Variants in CHID1 observed in about 807,000 individuals in gnomAD.
CHID1 encodes chitinase domain containing 1, also known as chitinase domain-containing protein 1.
In CHID1, 44 loss-of-function variants were observed where a neutral mutation model predicts 55.4. The observed-to-expected ratio is 0.79, with a 90% CI of 0.62 to 1.02. The LOEUF (loss-of-function observed/expected upper bound fraction) is 1.02, where lower values mean the gene tolerates loss of function less well. CHID1 is among the 50% of genes least tolerant of loss of function. CHID1 has a pLI of 0.00. For missense variants in CHID1, 491 were observed against 515.3 expected, an observed-to-expected ratio of 0.95 and a Z score of 0.46; for synonymous variants, 216 against 212.9, an observed-to-expected ratio of 1.01 and a Z score of -0.13.
chr11:870,807 G>A (rs1189659966), intron 10 of CHID1: 8 of 323,374 alleles, frequency 2.5e-5, no homozygotes, highest in Non-Finnish European at 4.1e-5. Flanking sequence ...GTGACCCTCA[G>A]GCCGCGCAGC....
chr11:904,797 A>G lies in CHID1; in HGVS notation c.20T>C (p.Leu7Pro), dbSNP rs1481369979. ...GCTGCAGGCCAGGGCAAGCCAGAGG[A>G]GGTTGAAGAGTGTCCGCATGGTAGG... MRTLFN[L>P]LWLALACSPV... is the part of the protein sequence containing the mutation. The change falls in exon 2 of 13, where the codon CTC (leucine) becomes CCC (proline). Residue 7 changes from leucine to proline, a missense_variant. By Grantham distance (98) the Leu-to-Pro change is moderately conservative. Transcript: ENST00000323578. The G allele has an allele frequency of 6.2e-7, 1 of 1,613,864 alleles. No individual in the cohort carries two copies. The highest frequency in any genetic ancestry group is 8.5e-7 in the Non-Finnish European group (1 of 1,180,016).
chr11:910,618 C>T, intron 1 of CHID1, 157 bp downstream of exon 1: 1 of 1,256,552 alleles, frequency 8.0e-7, no homozygotes, highest in South Asian at 1.3e-5. Context: ...CGCCCCCTCA[C>T]ACACTTGCTC....
intron 2 of CHID1, among the ~76,000 whole-genome samples, chr11:904,018 TG>T (rs1458181312): frequency 6.6e-6 from 1 of 152,288 alleles, no homozygotes; most frequent in East Asian, 1.9e-4. Flanking sequence ...ATGTCACACC[TG>T]CCCCTACTCC....
At chr11:872,869 T>C (rs1403553754) in intron 10 of CHID1, among the ~76,000 whole-genome samples, 2 of 152,128 alleles carry the variant, frequency 1.3e-5, no homozygotes, top group African/African-American at 4.8e-5. Flanking sequence ...GGGGCCTCTG[T>C]GGTCACTGCT....
chr11:910,660 A>T (rs1589919361), intron 1 of CHID1, 115 bp downstream of exon 1: 1 of 1,265,386 alleles, frequency 7.9e-7, no homozygotes, highest in African/African-American at 1.6e-5. Context: ...GTCGCCCGCG[A>T]CCCCACGCCC....
intron 8 of CHID1, among the ~76,000 whole-genome samples, chr11:892,317 G>A (rs1850902270): frequency 6.6e-6 from 1 of 152,338 alleles, no homozygotes; most frequent in Non-Finnish European, 1.5e-5. Context: ...ACATAAGGGA[G>A]AGGGAGGGGC....
chr11:888,086 T>C lies in CHID1; in HGVS notation c.702-3917A>G, dbSNP rs564837471. Among the ~76,000 whole-genome samples, 16 of 152,384 alleles carry C rather than the reference T, an allele frequency of 1.0e-4. No individual in the cohort carries two copies. The East Asian group carries it at 3.1e-3, about 29-fold the overall frequency. ...CAGTGCAGCATGCTGACATGTGACA[T>C]GCCTGTGGCACAGCTTGCATTTTCC... On this transcript the variant is annotated intron_variant, in intron 8 of 12. Coordinates refer to ENST00000323578, the MANE Select transcript of CHID1 (RefSeq NM_023947.4).
chr11:909,703 TG>T (rs1276590766), intron 1 of CHID1, among the ~76,000 whole-genome samples: 1 of 152,224 alleles, frequency 6.6e-6, no homozygotes, highest in African/African-American at 2.4e-5. Context: ...CCTGTTCTGT[TG>T]TGTTTTGAAG....
At chr11:905,757 A>C (rs1463798487) in intron 1 of CHID1, among the ~76,000 whole-genome samples, 1 of 152,140 alleles carries the variant, frequency 6.6e-6, no homozygotes, top group African/African-American at 2.4e-5. Context: ...ACTAGGAGAA[A>C]ATATAGCTAC....
At chr11:896,658 G>A (rs1851324758) in intron 7 of CHID1, among the ~76,000 whole-genome samples, 1 of 128,534 alleles carries the variant, frequency 7.8e-6, no homozygotes, top group African/African-American at 3.2e-5. Flanking sequence ...ACACGAAACT[G>A]TCTCAGGGCC....
intron 1 of CHID1, among the ~76,000 whole-genome samples, chr11:909,176 C>T (rs1852452137): frequency 6.6e-6 from 1 of 152,200 alleles, no homozygotes; most frequent in South Asian, 2.1e-4. Context: ...CTCTCCCGCT[C>T]CCCACTGCTC....
intron 10 of CHID1, among the ~76,000 whole-genome samples, chr11:878,285 G>A (rs1030718303): frequency 1.3e-5 from 2 of 152,122 alleles, no homozygotes; most frequent in South Asian, 2.1e-4. Flanking sequence ...GTGGTGGCAC[G>A]TGCCTGTAGT....
rs1852616077 is a variant in CHID1 at position 910,768 on chromosome 11, G to A, written c.-44+7C>T. ...GAGGAGCAGGGGCCGGCCGCCGCGG[G>A]GCTCACCTGCATGTCAGGGAGGCCG... is the stretch of plus-strand genomic sequence containing the variant. On this transcript the variant is annotated splice_region_variant and intron_variant, in intron 1 of 12. Coordinates refer to ENST00000323578, the MANE Select transcript of CHID1 (RefSeq NM_023947.4). The A allele has an allele frequency of 2.6e-6, 3 of 1,159,678 alleles. No individual in the cohort carries two copies. Among genetic ancestry groups the A allele is most frequent in the Middle Eastern group, 2.9e-4 (1 of 3,442 alleles). The allele number at this position is 1,159,678 out of a possible 1,614,324, so 71.8% of individuals were successfully genotyped here.
chr11:899,271 T>C, intron 7 of CHID1, 69 bp downstream of exon 7: 1 of 1,488,368 alleles, frequency 6.7e-7, no homozygotes, highest in Non-Finnish European at 9.2e-7. Context: ...ACCCCTGGTC[T>C]TTCCTCCAGC....
chr11:909,844 C>T (rs1852517245), intron 1 of CHID1, among the ~76,000 whole-genome samples: 1 of 152,040 alleles, frequency 6.6e-6, no homozygotes, highest in Non-Finnish European at 1.5e-5. Context: ...GGCAGATCAC[C>T]CCATCAGGAG....
At chr11:890,576 TC>T (rs1234706992) in intron 8 of CHID1, among the ~76,000 whole-genome samples, 1 of 151,978 alleles carries the variant, frequency 6.6e-6, no homozygotes, top group Non-Finnish European at 1.5e-5. Flanking sequence ...CCCAAGGGGG[TC>T]CCAGTAGCTA....
intron 10 of CHID1, among the ~76,000 whole-genome samples, chr11:872,307 G>A (rs1849232370): frequency 1.3e-5 from 2 of 152,128 alleles, no homozygotes; most frequent in Non-Finnish European, 1.5e-5. Flanking sequence ...ACAGCCACCC[G>A]CCACCACGCC....
chr11:876,370 G>A (rs1283050064), intron 10 of CHID1, among the ~76,000 whole-genome samples: 3 of 152,224 alleles, frequency 2.0e-5, no homozygotes, highest in Admixed American at 1.3e-4. Context: ...GCAGCTGAGA[G>A]GGAGGTCGGG....
chr11:870,817 C>T lies in CHID1; in HGVS notation c.960-318G>A, dbSNP rs541158912. 1.0e-3 allele frequency: 305 copies of T among 300,082 alleles called. 1 individual carries two copies. Among genetic ancestry groups the T allele is most frequent in the African/African-American group, 5.4e-3 (256 of 47,044 alleles). The allele number at this position is 300,082 out of a possible 1,614,324, so 18.6% of individuals were successfully genotyped here. ...TGAGGGTGACCCTCAGGCCGCGCAGCGGCTGCTGGACAGGGCTCCTCACTC... is the reference window on the plus strand; with the variant it reads ...TGAGGGTGACCCTCAGGCCGCGCAGTGGCTGCTGGACAGGGCTCCTCACTC... On this transcript the variant is annotated intron_variant, in intron 10 of 12. Coordinates refer to ENST00000323578, the MANE Select transcript of CHID1 (RefSeq NM_023947.4).
Sources: gnomAD v4.1 joint callset for allele counts (sites outside exome capture counted in the v4.1 genomes callset) on GRCh38, gnomAD v4.1.1 for gene constraint, MANE v1.5 for transcripts, NCBI Gene and HGNC (gene_info 2026-07-23, HGNC 2026-07-21) for gene names.